Variants in SEC23IP observed in about 807,000 individuals in gnomAD.
SEC23IP encodes SEC23-interacting protein.
SEC23IP carries 70 observed loss-of-function variants against 113.4 expected under a neutral mutation model. The observed-to-expected ratio is 0.62, with a 90% CI of 0.51 to 0.75. The LOEUF is 0.75. SEC23IP is among the 30% of genes least tolerant of loss of function. The probability of loss-of-function intolerance (pLI) is 0.00; values close to 1 mark genes in which losing one functional copy is unlikely to be tolerated. For synonymous variants in SEC23IP, 398 were observed against 421.0 expected (o/e 0.95, Z 0.67); for missense variants, 1,160 against 1,204.9 (o/e 0.96, Z 0.55).
intron 1 of SEC23IP, among the ~76,000 whole-genome samples, chr10:119,894,888 CAGTCTGTGTG>C (rs1190229479): frequency 1.5e-5 from 2 of 131,124 alleles, no homozygotes; most frequent in African/African-American, 3.0e-5. Flanking sequence ...TTCTTGGAGA[CAGTCTGTGTG>C]TGTGTGTGTG....
chr10:119,930,454 A>C, intron 15 of SEC23IP, 23 bp downstream of exon 15: 3 of 1,429,486 alleles, frequency 2.1e-6, no homozygotes, highest in Non-Finnish European at 2.9e-6. Context: ...TACTATAAAA[A>C]CTTTTTTTCC....
At chr10:119,937,998 A>C (rs956343699) in intron 18 of SEC23IP, among the ~76,000 whole-genome samples, 2 of 152,110 alleles carry the variant, frequency 1.3e-5, no homozygotes, top group African/African-American at 4.8e-5. Flanking sequence ...TTAAATTTGT[A>C]ATGCATCTTA....
chr10:119,898,379 G>A (rs201918694), intron 1 of SEC23IP, 48 bp from the exon 2 acceptor site: 1 of 1,533,074 alleles, frequency 6.5e-7, no homozygotes, highest in East Asian at 2.3e-5. Context: ...CGTATCTGCG[G>A]AGTGATAGAG....
At chr10:119,914,933 T>G (rs1231578777) in intron 7 of SEC23IP, 114 bp downstream of exon 7, 1 of 926,898 alleles carries the variant, frequency 1.1e-6, no homozygotes, top group Non-Finnish European at 1.7e-6. Flanking sequence ...GAGGAGTCTG[T>G]AAGAGGAAAT....
chr10:119,901,887 A>G (rs1589823700), intron 2 of SEC23IP, among the ~76,000 whole-genome samples: 1 of 152,108 alleles, frequency 6.6e-6, no homozygotes, highest in South Asian at 2.1e-4. Context: ...GGGTTTCACC[A>G]TGTTGGCCCG....
intron 18 of SEC23IP, among the ~76,000 whole-genome samples, chr10:119,934,720 C>T (rs1855718369): frequency 6.6e-6 from 1 of 152,190 alleles, no homozygotes; most frequent in Admixed American, 6.5e-5. Flanking sequence ...GGTAAATGAA[C>T]ATTCCCTTCA....
chr10:119,928,506 C>T (rs1855492180), intron 13 of SEC23IP, among the ~76,000 whole-genome samples: 1 of 152,172 alleles, frequency 6.6e-6, no homozygotes, highest in Non-Finnish European at 1.5e-5. Context: ...TTAGAAGTCC[C>T]ACATCTAAGT....
chr10:119,892,878 C>T lies in SEC23IP; in HGVS notation c.96C>T (p.Ser32=). ...TCTCCTCCTCGGCCACGGAGTTCAG[C>T]TTCAATGTGCCCTTCATCCCAGTCA... is the stretch of plus-strand genomic sequence containing the variant. The part of the protein sequence containing the change: ...LLFSSSATEF[S]FNVPFIPVTQ... Residue 32 remains serine, a synonymous_variant, in exon 1 of 19, where the codon AGC becomes AGT. Transcript: ENST00000369075. The T allele has an allele frequency of 1.2e-6, 2 of 1,614,016 alleles. No individual in the cohort carries two copies. The highest frequency in any genetic ancestry group is 1.7e-6 in the Non-Finnish European group (2 of 1,179,946).
At chr10:119,903,818 G>A (rs560761811) in intron 3 of SEC23IP, among the ~76,000 whole-genome samples, 29 of 152,220 alleles carry the variant, frequency 1.9e-4, no homozygotes, top group African/African-American at 6.7e-4. Context: ...CTGCTTCTTG[G>A]GTTCAAACTA....
intron 11 of SEC23IP, among the ~76,000 whole-genome samples, chr10:119,920,387 G>A (rs998152516): frequency 2.6e-5 from 4 of 152,160 alleles, no homozygotes; most frequent in African/African-American, 9.7e-5. Context: ...TGGTGCATCC[G>A]CATAACGGAG....
intron 8 of SEC23IP, 29 bp downstream of exon 8, chr10:119,915,918 A>C (rs765553977): frequency 2.8e-6 from 4 of 1,442,850 alleles, no homozygotes; most frequent in Non-Finnish European, 3.7e-6. Context: ...CTTGTTTTTC[A>C]GATTAGTCAT....
intron 6 of SEC23IP, among the ~76,000 whole-genome samples, chr10:119,912,673 C>T (rs1244923403): frequency 6.9e-6 from 1 of 145,310 alleles, no homozygotes; most frequent in Non-Finnish European, 1.5e-5. Context: ...CAGGGTCTCA[C>T]TCTGTTGGCC....
intron 4 of SEC23IP, 145 bp from the exon 5 acceptor site, chr10:119,908,896 T>C (rs1484885305): frequency 3.3e-6 from 2 of 600,944 alleles, no homozygotes; most frequent in African/African-American, 3.7e-5. Context: ...TGTAAGGTGA[T>C]AAAAAATATG....
At position 119,929,672 on chromosome 10, in the gene SEC23IP, T is replaced by C. The variant is rs758248759; in HGVS notation, c.2379T>C (p.Ile793=). The change falls in exon 14 of 19, where the codon ATT becomes ATC. Residue 793 remains isoleucine, a synonymous_variant. Transcript: ENST00000369075. ...PEIFFALGSP[I]AMFLTIRGVD... ...TATTCTTTGCCTTGGGGTCTCCAAT[T>C]GCTATGTTTCTCACTATTCGAGGAG... 3 of 1,606,642 alleles carry C rather than the reference T, an allele frequency of 1.9e-6. No individual in the cohort carries two copies. The Admixed American group carries it at 5.0e-5, about 27-fold the overall frequency.
chr10:119,939,466 A>T (rs1855895007), intron 18 of SEC23IP, among the ~76,000 whole-genome samples: 1 of 152,180 alleles, frequency 6.6e-6, no homozygotes, highest in Admixed American at 6.5e-5. Flanking sequence ...TCACAAGGTC[A>T]GGAGTTCGAG....
rs140192872 is a variant in SEC23IP at position 119,919,478 on chromosome 10, C to T, written c.1907C>T (p.Ser636Leu). The stretch of plus-strand genomic sequence containing the variant: ...GAGCCAAAGCTGACTTTGGATGAGT[C>T]GTATGACCTTGTTGTTGAAAATAAA... ...PEEPKLTLDE[S>L]YDLVVENKEV... The change falls in exon 11 of 19, where the codon TCG becomes TTG. Residue 636 changes from serine (S) to leucine (L), a missense_variant. Physicochemically the swap from Ser to Leu is moderately radical, Grantham distance 145. Coordinates refer to ENST00000369075, the MANE Select transcript of SEC23IP (RefSeq NM_007190.4). 13 of 1,611,712 alleles carry T rather than the reference C, an allele frequency of 8.1e-6. No individual in the cohort carries two copies. In the East Asian group the frequency reaches 1.6e-4, roughly 19 times the overall value.
At chr10:119,905,172 A>ATG (rs919534591) in intron 4 of SEC23IP, among the ~76,000 whole-genome samples, 2 of 152,008 alleles carry the variant, frequency 1.3e-5, no homozygotes, top group African/African-American at 2.4e-5. Flanking sequence ...ATGTGCATAT[A>ATG]TGTGTGTGTG....
At chr10:119,911,045 T>G (rs1226664080) in intron 5 of SEC23IP, among the ~76,000 whole-genome samples, 1 of 151,684 alleles carries the variant, frequency 6.6e-6, no homozygotes, top group East Asian at 1.9e-4. Flanking sequence ...TTCTTTTTTT[T>G]TTTTTTAAAG....
chr10:119,918,148 T>A, intron 9 of SEC23IP, 104 bp downstream of exon 9: 2 of 994,904 alleles, frequency 2.0e-6, no homozygotes, highest in Non-Finnish European at 3.0e-6. Flanking sequence ...TTACAGATTT[T>A]AAGTTTCAGA....
Sources: gnomAD v4.1 joint callset for allele counts (sites outside exome capture counted in the v4.1 genomes callset) on GRCh38, gnomAD v4.1.1 for gene constraint, MANE v1.5 for transcripts, NCBI Gene and HGNC (gene_info 2026-07-23, HGNC 2026-07-21) for gene names.